Variants in FBXO16 observed in about 807,000 individuals in gnomAD.
FBXO16 encodes F-box only protein 16.
Under a neutral mutation model 41.0 loss-of-function variants are expected in FBXO16, and 31 were observed. That is an observed-to-expected ratio of 0.76 (90% confidence interval 0.57 to 1.02). The LOEUF is 1.02. Among genes scored for constraint, FBXO16 ranks in the 50% least tolerant of loss-of-function variants. The probability of loss-of-function intolerance (pLI) is 0.00; values close to 1 mark genes in which losing one functional copy is unlikely to be tolerated. For synonymous variants in FBXO16, 133 were observed against 117.8 expected, an observed-to-expected ratio of 1.13 and a Z score of -0.84; for missense variants, 361 against 346.2, an observed-to-expected ratio of 1.04 and a Z score of -0.34.
intron 4 of FBXO16, among the ~76,000 whole-genome samples, chr8:28,458,381 C>T (rs1375280810): frequency 3.3e-5 from 5 of 152,096 alleles, no homozygotes; most frequent in African/African-American, 1.2e-4. Flanking sequence ...CAGGCAGCAA[C>T]AGAAATCACA....
At chr8:28,475,128 T>C (rs1232485893) in intron 2 of FBXO16, among the ~76,000 whole-genome samples, 12 of 152,232 alleles carry the variant, frequency 7.9e-5, no homozygotes, top group Non-Finnish European at 1.8e-4. Context: ...GCTGTAAGAA[T>C]GTCCCCACTT....
At chr8:28,459,903 G>A (rs1803097504) in intron 4 of FBXO16, among the ~76,000 whole-genome samples, 1 of 150,752 alleles carries the variant, frequency 6.6e-6, no homozygotes. Flanking sequence ...GGCGCATGCT[G>A]TAATCTCAGC....
At chr8:28,453,751 T>C (rs939458411) in intron 5 of FBXO16, among the ~76,000 whole-genome samples, 2 of 151,972 alleles carry the variant, frequency 1.3e-5, no homozygotes, top group African/African-American at 2.4e-5. Context: ...TAACGCTTAG[T>C]ACTCAGTGTT....
chr8:28,465,063 C>T (rs907656852), intron 3 of FBXO16: 6 of 152,910 alleles, frequency 3.9e-5, no homozygotes, highest in African/African-American at 1.4e-4. Flanking sequence ...AGCCTTACAA[C>T]AAGTTAACTT....
chr8:28,432,126 GGAGT>G (rs1563355834), intron 7 of FBXO16, among the ~76,000 whole-genome samples: 1 of 115,546 alleles, frequency 8.7e-6, no homozygotes, highest in Non-Finnish European at 1.7e-5. Flanking sequence ...GGCTATGTAT[GGAGT>G]GTGTGTGTGT....
chr8:28,452,924 A>G (rs770404234), intron 5 of FBXO16, among the ~76,000 whole-genome samples: 6 of 61,198 alleles, frequency 9.8e-5, no homozygotes, highest in East Asian at 9.5e-4. Context: ...AAAAAAAAAG[A>G]AAAAAAGGAA....
chr8:28,447,862 G>A (rs1802891108), intron 6 of FBXO16, among the ~76,000 whole-genome samples: 1 of 152,190 alleles, frequency 6.6e-6, no homozygotes, highest in Admixed American at 6.5e-5. Context: ...GCTGAGGCAG[G>A]AGAATCACTC....
intron 3 of FBXO16, among the ~76,000 whole-genome samples, chr8:28,469,300 C>T (rs929216328): frequency 1.3e-4 from 19 of 149,832 alleles, no homozygotes; most frequent in African/African-American, 4.2e-4. Context: ...GCAACAAGAG[C>T]GAAACCCTGC....
At chr8:28,472,512 G>C (rs971951524) in intron 3 of FBXO16, among the ~76,000 whole-genome samples, 1 of 152,024 alleles carries the variant, frequency 6.6e-6, no homozygotes, top group Admixed American at 6.6e-5. Flanking sequence ...AGGGGGGGCG[G>C]GGTGGATCAC....
At chr8:28,451,305 T>C (rs1802948146) in intron 6 of FBXO16, among the ~76,000 whole-genome samples, 1 of 152,090 alleles carries the variant, frequency 6.6e-6, no homozygotes, top group South Asian at 2.1e-4. Flanking sequence ...CATGAAGAGA[T>C]TTCTGGTGTG....
At chr8:28,486,528 AC>A (rs1333250968) in intron 1 of FBXO16, among the ~76,000 whole-genome samples, 43 of 150,378 alleles carry the variant, frequency 2.9e-4, no homozygotes, top group Non-Finnish European at 4.7e-4. Flanking sequence ...CGCCTGGGCT[AC>A]ATTTCTTCTT....
intron 8 of FBXO16, 86 bp downstream of exon 8, chr8:28,429,292 A>G: frequency 5.4e-6 from 8 of 1,477,924 alleles, no homozygotes; most frequent in Non-Finnish European, 6.6e-6. Context: ...CTGTTCCCAT[A>G]ATTTACACTC....
rs368926713 is a variant in FBXO16 at position 28,483,322 on chromosome 8, T to C, written c.99+26A>G. 4.5e-6 allele frequency: 7 copies of C among 1,563,684 alleles called. No individual in the cohort carries two copies. The African/African-American group carries it at 5.5e-5, about 12-fold the overall frequency. On this transcript the variant is annotated intron_variant, in intron 2 of 8. Coordinates refer to ENST00000380254, the MANE Select transcript of FBXO16 (RefSeq NM_172366.4). ...TTTTTCCTTTCAGTCATGGATTCAATTGTTAAAATAGTTCTGGTCACTTAC... is the reference window on the plus strand; with the variant it reads ...TTTTTCCTTTCAGTCATGGATTCAACTGTTAAAATAGTTCTGGTCACTTAC...
At chr8:28,457,596 G>C (rs1023005925) in intron 4 of FBXO16, among the ~76,000 whole-genome samples, 17 of 152,126 alleles carry the variant, frequency 1.1e-4, no homozygotes, top group African/African-American at 4.1e-4. Context: ...GATCTCATAA[G>C]AATGACTCAC....
intron 3 of FBXO16, among the ~76,000 whole-genome samples, chr8:28,470,015 AC>A (rs1257048468): frequency 6.7e-6 from 1 of 150,320 alleles, no homozygotes; most frequent in Non-Finnish European, 1.5e-5. Flanking sequence ...CCACAGTGAA[AC>A]CCCGTCTCTA....
At chr8:28,466,638 A>G (rs1179113041) in intron 3 of FBXO16, among the ~76,000 whole-genome samples, 3 of 152,160 alleles carry the variant, frequency 2.0e-5, no homozygotes, top group East Asian at 1.9e-4. Context: ...TAAAAAAAAA[A>G]AAAAAAATTA....
At chr8:28,465,619 A>G (rs189408645) in intron 3 of FBXO16, among the ~76,000 whole-genome samples, 87 of 152,126 alleles carry the variant, frequency 5.7e-4, no homozygotes, top group Non-Finnish European at 9.4e-4. Context: ...TGTCAATAAA[A>G]ATAAAAAAAA....
chr8:28,432,501 C>CAA (rs2130073421), intron 7 of FBXO16, among the ~76,000 whole-genome samples: 2 of 151,542 alleles, frequency 1.3e-5, no homozygotes, highest in African/African-American at 4.9e-5. Flanking sequence ...AACAAAACAA[C>CAA]AACAACAACA....
chr8:28,476,250 C>T (rs955114040), intron 2 of FBXO16, among the ~76,000 whole-genome samples: 1 of 152,110 alleles, frequency 6.6e-6, no homozygotes, highest in African/African-American at 2.4e-5. Context: ...GGTTAAAACA[C>T]GAGACAAAGT....
Sources: allele counts gnomAD v4.1 joint callset (sites outside exome capture counted in the v4.1 genomes callset), GRCh38; gene constraint gnomAD v4.1.1; transcripts MANE v1.5; gene names NCBI Gene and HGNC (gene_info 2026-07-23, HGNC 2026-07-21).